Variants in KATNAL1 observed in about 807,000 individuals in gnomAD.
The protein encoded by KATNAL1 is katanin p60 ATPase-containing subunit A-like 1.
Under a neutral mutation model 55.2 loss-of-function variants are expected in KATNAL1, and 32 were observed. That is an observed-to-expected ratio of 0.58 (90% CI 0.44 to 0.78). KATNAL1 has a LOEUF of 0.78. Among genes scored for constraint, KATNAL1 ranks in the 30% least tolerant of loss-of-function variants. The pLI is 0.00. For missense variants in KATNAL1, 466 were observed against 600.9 expected (o/e 0.78, Z 2.35); for synonymous variants, 193 against 193.6 (o/e 1.00, Z 0.02).
intron 3 of KATNAL1, among the ~76,000 whole-genome samples, chr13:30,263,382 G>A (rs1443069386): frequency 6.6e-6 from 1 of 151,304 alleles, no homozygotes; most frequent in Non-Finnish European, 1.5e-5. Flanking sequence ...CAATTAGGCA[G>A]GAGAAGGAAA....
intron 3 of KATNAL1, among the ~76,000 whole-genome samples, chr13:30,269,404 AG>A (rs1419482018): frequency 2.6e-5 from 4 of 152,204 alleles, no homozygotes; most frequent in African/African-American, 9.6e-5. Context: ...CCCAGGCTGG[AG>A]TGCAGTGGCG....
chr13:30,214,466 T>C (rs1227800146), intron 9 of KATNAL1, among the ~76,000 whole-genome samples: 1 of 152,074 alleles, frequency 6.6e-6, no homozygotes, highest in Non-Finnish European at 1.5e-5. Flanking sequence ...CGTCGCCAAG[T>C]CAATCCTAAG....
At chr13:30,285,279 T>C (rs1022779249) in intron 1 of KATNAL1, among the ~76,000 whole-genome samples, 2 of 152,058 alleles carry the variant, frequency 1.3e-5, no homozygotes, top group African/African-American at 4.8e-5. Context: ...CTAATACGGG[T>C]TGGCTCTGTG....
At chr13:30,233,070 G>A (rs1217308812) in intron 6 of KATNAL1, among the ~76,000 whole-genome samples, 2 of 152,076 alleles carry the variant, frequency 1.3e-5, no homozygotes, top group Admixed American at 6.6e-5. Flanking sequence ...GATTTTTTTT[G>A]TGTAAGACCT....
At chr13:30,291,545 T>G (rs1448709255) in intron 1 of KATNAL1, among the ~76,000 whole-genome samples, 1 of 152,148 alleles carries the variant, frequency 6.6e-6, no homozygotes, top group Admixed American at 6.5e-5. Flanking sequence ...AGCAGCCTTT[T>G]TAGGAAAAAT....
At chr13:30,234,591 T>C (rs1876467162) in intron 6 of KATNAL1, among the ~76,000 whole-genome samples, 1 of 152,090 alleles carries the variant, frequency 6.6e-6, no homozygotes, top group African/African-American at 2.4e-5. Context: ...TCTAAACCTT[T>C]CCCTTTACAA....
chr13:30,241,507 A>G (rs1877277826), intron 4 of KATNAL1, among the ~76,000 whole-genome samples: 1 of 152,210 alleles, frequency 6.6e-6, no homozygotes, highest in African/African-American at 2.4e-5. Flanking sequence ...ATTTAATAAT[A>G]TAGTTGTTTT....
At chr13:30,210,287 T>C (rs1221557318) in intron 10 of KATNAL1, 29 bp downstream of exon 10, 2 of 1,566,656 alleles carry the variant, frequency 1.3e-6, no homozygotes, top group African/African-American at 2.8e-5. Context: ...ATAACTAATG[T>C]CTAAAATCAC....
chr13:30,250,796 T>C (rs1348912592), intron 4 of KATNAL1, among the ~76,000 whole-genome samples: 3 of 152,222 alleles, frequency 2.0e-5, no homozygotes, highest in East Asian at 1.9e-4. Context: ...CATGAGATAA[T>C]GGAAGTACTG....
intron 3 of KATNAL1, among the ~76,000 whole-genome samples, chr13:30,261,253 G>A (rs956385991): frequency 7.9e-5 from 12 of 151,756 alleles, no homozygotes; most frequent in African/African-American, 1.7e-4. Flanking sequence ...GATACCAGCC[G>A]CTGCAAAATC....
At chr13:30,307,223 A>T (rs1203639104) in intron 1 of KATNAL1, 108 bp downstream of exon 1, 3 of 152,328 alleles carry the variant, frequency 2.0e-5, no homozygotes, top group Admixed American at 6.5e-5. Flanking sequence ...GGAACCCCGC[A>T]GCCCACTGCC....
intron 5 of KATNAL1, 25 bp from the exon 6 acceptor site, chr13:30,240,590 T>C: frequency 6.8e-7 from 1 of 1,467,888 alleles, no homozygotes; most frequent in Non-Finnish European, 9.5e-7. Context: ...CAAACTTTCA[T>C]AATGTTTACT....
intron 8 of KATNAL1, among the ~76,000 whole-genome samples, chr13:30,228,137 G>A (rs1875697487): frequency 6.6e-6 from 1 of 151,936 alleles, no homozygotes; most frequent in Non-Finnish European, 1.5e-5. Flanking sequence ...CCAACTACAT[G>A]TATATACACA....
chr13:30,296,226 A>G, intron 1 of KATNAL1: 1 of 930,692 alleles, frequency 1.1e-6, no homozygotes, highest in South Asian at 1.6e-5. Flanking sequence ...GCCTTCAAAG[A>G]GGTGAAGCTG....
chr13:30,219,251 T>C (rs1281366096), intron 9 of KATNAL1, among the ~76,000 whole-genome samples: 2 of 152,200 alleles, frequency 1.3e-5, no homozygotes, highest in Non-Finnish European at 2.9e-5. Context: ...TCTTCTTAAA[T>C]TTTATTTATT....
intron 1 of KATNAL1, among the ~76,000 whole-genome samples, chr13:30,298,262 A>T (rs1381527032): frequency 5.3e-5 from 8 of 152,078 alleles, no homozygotes; most frequent in Non-Finnish European, 8.8e-5. Context: ...AAATAAATAA[A>T]CTCATATGGT....
intron 9 of KATNAL1, among the ~76,000 whole-genome samples, chr13:30,227,053 G>C (rs996227678): frequency 6.6e-6 from 1 of 152,012 alleles, no homozygotes; most frequent in South Asian, 2.1e-4. Context: ...TCCAGCCTGG[G>C]CAACAGAATA....
intron 9 of KATNAL1, among the ~76,000 whole-genome samples, chr13:30,217,056 C>T (rs760294592): frequency 3.9e-5 from 6 of 152,026 alleles, no homozygotes; most frequent in Non-Finnish European, 7.4e-5. Context: ...ATTCTGTTTC[C>T]CTAGTAACTA....
At chr13:30,249,867 A>G (rs1168009695) in intron 4 of KATNAL1, among the ~76,000 whole-genome samples, 1 of 152,220 alleles carries the variant, frequency 6.6e-6, no homozygotes, top group Non-Finnish European at 1.5e-5. Context: ...AGTTTTTGAG[A>G]GCCAGCTACT....
Sources: allele counts gnomAD v4.1 joint callset (sites outside exome capture counted in the v4.1 genomes callset), GRCh38; gene constraint gnomAD v4.1.1; transcripts MANE v1.5; gene names NCBI Gene and HGNC (gene_info 2026-07-23, HGNC 2026-07-21).